MUC4: variants seen among roughly 807,000 people sequenced by gnomAD.
MUC4 encodes mucin 4, cell surface associated.
In MUC4, 202 loss-of-function variants were observed where a neutral mutation model predicts 257.9. The observed-to-expected ratio is 0.78, with a 90% confidence interval of 0.70 to 0.88. MUC4 has a LOEUF of 0.88. MUC4 is among the 40% of genes least tolerant of loss of function. The pLI is 0.00. For synonymous variants in MUC4, 2,351 were observed against 2,757.1 expected, an observed-to-expected ratio of 0.85 and a Z score of 4.62; for missense variants, 5,976 against 6,513.7, an observed-to-expected ratio of 0.92 and a Z score of 2.84.
rs1411497271 is a variant in MUC4, at chr3:195,775,409, C to G, written c.12944-1104G>C. Among the ~76,000 whole-genome samples, 63 of 97,064 alleles carry G rather than the reference C, an allele frequency of 6.5e-4. 7 individuals carry two copies. Among genetic ancestry groups the G allele is most frequent in the Non-Finnish European group, 8.2e-4 (36 of 44,094 alleles). The allele number at this position is 97,064 out of a possible 152,430, so 63.7% of individuals were successfully genotyped here. A position where few individuals can be genotyped will look rare whatever the true frequency, so the allele number is the denominator to read the frequency against. Reference sequence around the variant, plus strand: ...ACCTTCCACACCCATACCTTCCACACCCATACCTTCCACACCCATACCTTC... The same window carrying G: ...ACCTTCCACACCCATACCTTCCACAGCCATACCTTCCACACCCATACCTTC... On this transcript the variant is annotated intron_variant, in intron 3 of 24. Coordinates refer to ENST00000463781, the MANE Select transcript of MUC4 (RefSeq NM_018406.7).
At position 195,811,911 on chromosome 3, in the gene MUC4, G is replaced by GCTGGCCCGAA; in HGVS notation, c.-104_-95dup. The GCTGGCCCGAA allele has an allele frequency of 1.6e-6, 2 of 1,289,870 alleles. No homozygotes were observed. Among genetic ancestry groups the GCTGGCCCGAA allele is most frequent in the South Asian group, 2.7e-5 (2 of 74,566 alleles). The allele number at this position is 1,289,870 out of a possible 1,614,324, so 79.9% of individuals were successfully genotyped here. On this transcript the variant is annotated 5_prime_UTR_variant, in exon 1 of 25. Coordinates refer to ENST00000463781, the MANE Select transcript of MUC4 (RefSeq NM_018406.7). ...AGACGTGAGCCCGTCCCCTCAGGCG[G>GCTGGCCCGAA]CTGGCCCGAACCAAGTGCGTTTCTC...
chr3:195,787,641 A>C lies in MUC4; in HGVS notation c.3939T>G (p.Leu1313=), dbSNP rs1442692557. 1 of 725,504 alleles carries C rather than the reference A, an allele frequency of 1.4e-6. No homozygotes were observed. Among genetic ancestry groups the C allele is most frequent in the Non-Finnish European group, 1.9e-6 (1 of 513,170 alleles). The allele number at this position is 725,504 out of a possible 1,614,324, so 44.9% of individuals were successfully genotyped here. A position where few individuals can be genotyped will look rare whatever the true frequency, so the allele number is the denominator to read the frequency against. Residue 1313 remains leucine (L), a synonymous_variant, in exon 2 of 25, where the codon CTT becomes CTG. Transcript: ENST00000463781. ...ATGCTGAGGAAAGGCTGGTGACAGGAAGAGGGGTGGCGTGACCTGTGGATG... is the reference window on the plus strand; with the variant it reads ...ATGCTGAGGAAAGGCTGGTGACAGGCAGAGGGGTGGCGTGACCTGTGGATG... ...SSASTGHATP[L]PVTSLSSAST...
intron 4 of MUC4, among the ~76,000 whole-genome samples, chr3:195,773,395 C>A (rs919538929): frequency 1.0e-4 from 15 of 150,546 alleles, no homozygotes; most frequent in Non-Finnish European, 7.4e-5. Context: ...GGTGCAGACA[C>A]CCCATCTCCA....
At chr3:195,756,607 CCTTT>C (rs1354601509) in intron 18 of MUC4, among the ~76,000 whole-genome samples, 1 of 146,356 alleles carries the variant, frequency 6.8e-6, no homozygotes, top group East Asian at 2.3e-4. Context: ...TCTTTCCTTT[CCTTT>C]CTTTCCTTTC....
intron 3 of MUC4, among the ~76,000 whole-genome samples, chr3:195,776,308 A>ATACCTTCCACG (rs1724697520): frequency 1.9e-5 from 1 of 53,200 alleles, no homozygotes; most frequent in Non-Finnish European, 3.7e-5. Context: ...TACCTTCCAC[A>ATACCTTCCACG]CCCATACCTT....
rs1428580230 is a variant in MUC4 at position 195,790,527 on chromosome 3, A to C, written c.1053T>G (p.Thr351=). ...TGAATCCACTTGGTGAGGATAAAACAGTTGATGTTGTAACCGGTGTGAGGG... is the reference window on the plus strand; with the variant it reads ...TGAATCCACTTGGTGAGGATAAAACCGTTGATGTTGTAACCGGTGTGAGGG... ...LNTLTPVTTS[T]VLSSPSGFNP... is the part of the protein sequence containing the mutation. The change falls in exon 2 of 25, where the codon ACT becomes ACG. Residue 351 remains threonine (T), a synonymous_variant. Transcript: ENST00000463781. 6.2e-6 allele frequency: 10 copies of C among 1,614,034 alleles called. No individual in the cohort carries two copies. The highest frequency in any genetic ancestry group is 8.5e-6 in the Non-Finnish European group (10 of 1,179,892).
In MUC4 at chr3:195,790,658, C is replaced by T. The variant is rs375625604; in HGVS notation, c.922G>A (p.Ala308Thr). ...VTFDPEGQSP[A>T]TFSRTSTQDT... is the part of the protein sequence containing the mutation. ...TGAGTAGAAGTCCTTGAGAAAGTTG[C>T]TGGTGATTGTCCTTCTGGATCAAAT... Residue 308 changes from alanine (A) to threonine (T), a missense_variant, in exon 2 of 25, where the codon GCA becomes ACA. Transcript: ENST00000463781. The T allele has an allele frequency of 3.3e-5, 54 of 1,613,946 alleles. No individual in the cohort carries two copies. The Admixed American group carries it at 4.3e-4, about 13-fold the overall frequency.
Position 195,762,221 on chromosome 3 carries a change from A to T in MUC4, c.14378T>A (p.Leu4793Gln). The T allele has an allele frequency of 6.3e-7, 1 of 1,594,062 alleles. No individual in the cohort carries two copies. Reference sequence around the variant, plus strand: ...CGAGACCTCAGAGCCGTTGCGGCTCAGGAGGACTCCGGTGGCGTTGAACGT... The same window carrying T: ...CGAGACCTCAGAGCCGTTGCGGCTCTGGAGGACTCCGGTGGCGTTGAACGT... The part of the protein sequence containing the change: ...QETFNATGVL[L>Q]SRNGSEVSAS... Residue 4793 changes from leucine (L) to glutamine (Q), a missense_variant, in exon 14 of 25, where the codon CTG becomes CAG. Physicochemically the swap from Leu to Gln is moderately radical, Grantham distance 113 (BLOSUM62 -2). Transcript: ENST00000463781.
chr3:195,753,131 G>A lies in MUC4; in HGVS notation c.15428C>T (p.Pro5143Leu), dbSNP rs1276551324. The stretch of plus-strand genomic sequence containing the variant: ...GAAGGCTGGGGGGCAGGTGCACATG[G>A]GCTGACAGCCCAGAGTCTGGGAGAT... Reference protein sequence around the residue: ...CYISQTLGCQPMCTCPPAFTD... With the variant: ...CYISQTLGCQLMCTCPPAFTD... The change falls in exon 20 of 25, where the codon CCC (proline) becomes CTC (leucine). Residue 5143 changes from proline to leucine, a missense_variant. Physicochemically the swap from Pro to Leu is moderately conservative, Grantham distance 98. Around this residue, in one of 44 missense-constraint regions of MUC4, gnomAD observed 996 missense variants for 1,137.3 expected, o/e 0.88. Coordinates refer to ENST00000463781, the MANE Select transcript of MUC4 (RefSeq NM_018406.7). The A allele has an allele frequency of 2.5e-6, 4 of 1,613,050 alleles. No homozygotes were observed.
intron 12 of MUC4, 80 bp from the exon 13 acceptor site, chr3:195,763,025 G>C: frequency 8.1e-7 from 1 of 1,227,178 alleles, no homozygotes; most frequent in Non-Finnish European, 1.2e-6. Flanking sequence ...AGAGCCCCTG[G>C]GGCTGGAAGC....
Position 195,790,977 on chromosome 3 carries a change from C to T in MUC4, c.603G>A (p.Arg201=). 1 of 1,613,934 alleles carries T rather than the reference C, an allele frequency of 6.2e-7. No individual in the cohort carries two copies. The highest frequency in any genetic ancestry group is 1.7e-5 in the Admixed American group (1 of 60,012). ...TSASSQNHWT[R]STQTTRESQT... is the part of the protein sequence containing the mutation. ...GAGATTCCCTGGTGGTCTGCGTGCTCCGAGTCCAGTGGTTCTGAGAAGAAG... is the reference window on the plus strand; with the variant it reads ...GAGATTCCCTGGTGGTCTGCGTGCTTCGAGTCCAGTGGTTCTGAGAAGAAG... Residue 201 remains arginine (R), a synonymous_variant, in exon 2 of 25, where the codon CGG becomes CGA. Coordinates refer to ENST00000463781, the MANE Select transcript of MUC4 (RefSeq NM_018406.7).
chr3:195,774,432 G>T, intron 3 of MUC4, 127 bp from the exon 4 acceptor site: 2 of 1,221,588 alleles, frequency 1.6e-6, no homozygotes, highest in Non-Finnish European at 2.2e-6. Context: ...GGCCCCAGAG[G>T]CAGCCATCTA....
intron 7 of MUC4, among the ~76,000 whole-genome samples, chr3:195,767,562 T>TACCACCATCACC (rs1721109851): frequency 6.0e-5 from 1 of 16,756 alleles, no homozygotes; most frequent in Non-Finnish European, 1.0e-4. Flanking sequence ...CCATTACCAT[T>TACCACCATCACC]GCCACCACCA....
chr3:195,804,607 C>T (rs1334521116), intron 1 of MUC4, among the ~76,000 whole-genome samples: 2 of 152,256 alleles, frequency 1.3e-5, no homozygotes, highest in Non-Finnish European at 2.9e-5. Flanking sequence ...GTTTCACTTT[C>T]CTGGAGGGGA....
intron 1 of MUC4, among the ~76,000 whole-genome samples, chr3:195,803,076 C>T (rs1410199735): frequency 2.6e-5 from 4 of 152,130 alleles, no homozygotes; most frequent in East Asian, 1.9e-4. Flanking sequence ...CATTTCTCTG[C>T]GTGCGAGGAT....
At chr3:195,802,788 G>A (rs1021887956) in intron 1 of MUC4, among the ~76,000 whole-genome samples, 9 of 152,312 alleles carry the variant, frequency 5.9e-5, no homozygotes, top group African/African-American at 1.7e-4. Context: ...GGGATTTCTC[G>A]TTTCTGCGGG....
Position 195,783,601 on chromosome 3 carries a change from G to A in MUC4, c.7979C>T (p.Thr2660Ile), listed in dbSNP as rs1235359988. Residue 2660 changes from threonine (T) to isoleucine (I), a missense_variant, in exon 2 of 25, where the codon ACC (threonine) becomes ATC (isoleucine). Around this residue, in one of 44 missense-constraint regions of MUC4, gnomAD observed 75 missense variants for 58.7 expected, o/e 1.28. Coordinates refer to ENST00000463781, the MANE Select transcript of MUC4 (RefSeq NM_018406.7). ...ACCTGTGGATACTGAGGAAAGGCTG[G>A]TGACAGGAAGAGGGGTGGCCTGACC... ...STGQATPLPV[T>I]SLSSVSTGDT... The A allele has an allele frequency of 5.7e-6, 2 of 347,920 alleles. No individual in the cohort carries two copies. The highest frequency in any genetic ancestry group is 3.5e-5 in the East Asian group (1 of 28,256). 21.6% of individuals were successfully genotyped at this position (347,920 alleles called of 1,614,324 possible). A position where few individuals can be genotyped will look rare whatever the true frequency, so the allele number is the denominator to read the frequency against.
intron 10 of MUC4, among the ~76,000 whole-genome samples, 191 bp from the exon 11 acceptor site, chr3:195,764,355 T>C (rs1424348790): frequency 1.3e-5 from 2 of 151,716 alleles, no homozygotes; most frequent in Non-Finnish European, 2.9e-5. Context: ...CAGGGCGGTG[T>C]TGGTGGCAAG....
At position 195,762,133 on chromosome 3, in the gene MUC4, G is replaced by C; in HGVS notation, c.14466C>G (p.Ser4822=). The C allele has an allele frequency of 6.2e-7, 1 of 1,608,076 alleles. No individual in the cohort carries two copies. Among genetic ancestry groups the C allele is most frequent in the East Asian group, 2.2e-5 (1 of 44,756 alleles). Residue 4822 remains serine (S), a synonymous_variant, in exon 14 of 25, where the codon TCC becomes TCG. Coordinates refer to ENST00000463781, the MANE Select transcript of MUC4 (RefSeq NM_018406.7). ...TCTGGTACTCGGGCGGGAGGCTGGCGGAGGCGTGGAGGATGTTGGAGAGCG... is the reference window on the plus strand; with the variant it reads ...TCTGGTACTCGGGCGGGAGGCTGGCCGAGGCGTGGAGGATGTTGGAGAGCG... ...VIALSNILHA[S]ASLPPEYQNR...
Sources: allele counts gnomAD v4.1 joint callset (sites outside exome capture counted in the v4.1 genomes callset), GRCh38; gene constraint gnomAD v4.1.1; regional missense constraint gnomAD v4.1.1; transcripts MANE v1.5; gene names NCBI Gene and HGNC (gene_info 2026-07-23, HGNC 2026-07-21).